C19orf81: variants seen among roughly 807,000 people sequenced by gnomAD.
C19orf81 encodes putative uncharacterized protein C19orf81.
In C19orf81, 19 loss-of-function variants were observed where a neutral mutation model predicts 22.1. The observed-to-expected ratio is 0.86, with a 90% CI of 0.60 to 1.26. C19orf81 has a LOEUF of 1.26. C19orf81 is among the 50% of genes most tolerant of loss of function. The probability of loss-of-function intolerance (pLI) is 0.00; values close to 1 mark genes in which losing one functional copy is unlikely to be tolerated. For synonymous variants in C19orf81, 108 were observed against 113.1 expected (o/e 0.95, Z 0.29); for missense variants, 287 against 280.7 (o/e 1.02, Z -0.16).
In C19orf81 at chr19:50,651,376, T is replaced by C. The variant is rs1341209890; in HGVS notation, c.67+1865T>C. On this transcript the variant is annotated intron_variant, in intron 1 of 4. Coordinates refer to ENST00000425202, the MANE Select transcript of C19orf81 (RefSeq NM_001195076.2). ...TACCTTCTTATTCTTTAGGTCTCAC[T>C]GTGGACACCTCCTCTAGAGAGCCTT... Among the ~76,000 whole-genome samples, 3 of 152,226 alleles carry C rather than the reference T, an allele frequency of 2.0e-5. No individual in the cohort carries two copies. The East Asian group carries it at 5.8e-4, about 29-fold the overall frequency.
intron 1 of C19orf81, among the ~76,000 whole-genome samples, chr19:50,654,497 C>T (rs1475417047): frequency 6.6e-6 from 1 of 151,554 alleles, no homozygotes; most frequent in East Asian, 1.9e-4. Context: ...TGGGGTTTCA[C>T]CATATTGGCC....
intron 3 of C19orf81, among the ~76,000 whole-genome samples, chr19:50,656,717 T>C (rs1285371830): frequency 1.3e-5 from 2 of 152,104 alleles, no homozygotes; most frequent in Non-Finnish European, 1.5e-5. Context: ...TTTGGGAGGC[T>C]GAGGTGGGTG....
intron 1 of C19orf81, among the ~76,000 whole-genome samples, chr19:50,654,640 TTCTG>T (rs1006444657): frequency 5.0e-4 from 74 of 146,746 alleles, no homozygotes; most frequent in African/African-American, 1.8e-3. Flanking sequence ...CCTTCTCTCT[TTCTG>T]TCTCTCTTTC....
At position 50,649,480 on chromosome 19, in the gene C19orf81, C is replaced by G. The variant is rs1197677962; in HGVS notation, c.36C>G (p.Ala12=). 2.0e-6 allele frequency: 3 copies of G among 1,536,278 alleles called. No individual in the cohort carries two copies. Among genetic ancestry groups the G allele is most frequent in the Non-Finnish European group, 2.6e-6 (3 of 1,146,886 alleles). Residue 12 remains alanine (A), a synonymous_variant, in exon 1 of 5, where the codon GCC becomes GCG. Transcript: ENST00000425202. Reference sequence around the variant, plus strand: ...AGGTGGAGCCCGTGTGCTTCCCTGCCATGGGCAGCCCCACCATGCACAGGA... The same window carrying G: ...AGGTGGAGCCCGTGTGCTTCCCTGCGATGGGCAGCCCCACCATGCACAGGA... The part of the protein sequence containing the change: ...QPEVEPVCFP[A]MGSPTMHRKA...
At chr19:50,652,650 G>A (rs780540017) in intron 1 of C19orf81, among the ~76,000 whole-genome samples, 2 of 152,180 alleles carry the variant, frequency 1.3e-5, no homozygotes, top group Non-Finnish European at 2.9e-5. Context: ...TAAGACACTA[G>A]CACGGTCTGA....
Position 50,649,502 on chromosome 19 carries a change from A to C in C19orf81, c.58A>C (p.Arg20=), listed in dbSNP as rs1172436495. 1 of 1,536,212 alleles carries C rather than the reference A, an allele frequency of 6.5e-7. No homozygotes were observed. The highest frequency in any genetic ancestry group is 1.2e-5 in the South Asian group (1 of 84,062). The change falls in exon 1 of 5, where the codon AGG becomes CGG. Residue 20 remains arginine, a synonymous_variant. Transcript: ENST00000425202. The part of the protein sequence containing the change: ...FPAMGSPTMH[R]KAGALLMDLE... ...TGCCATGGGCAGCCCCACCATGCAC[A>C]GGAAGGCAGGTACTGAGCTGTGTCT...
chr19:50,649,831 C>A, intron 1 of C19orf81: 1 of 504,280 alleles, frequency 2.0e-6, no homozygotes, highest in South Asian at 1.5e-5. Context: ...ACCCTGAGCT[C>A]AGCATCTTCC....
At chr19:50,655,727 C>T (rs1397845870) in intron 1 of C19orf81, among the ~76,000 whole-genome samples, 3 of 152,028 alleles carry the variant, frequency 2.0e-5, no homozygotes, top group East Asian at 1.9e-4. Flanking sequence ...AAGAAGTAAG[C>T]CTGGGGTGAC....
At chr19:50,654,080 C>G (rs975451432) in intron 1 of C19orf81, among the ~76,000 whole-genome samples, 1 of 151,962 alleles carries the variant, frequency 6.6e-6, no homozygotes, top group Non-Finnish European at 1.5e-5. Context: ...CACAGAGTGG[C>G]CTTGCTTGAT....
rs1984990722 is a variant in C19orf81 at position 50,656,216 on chromosome 19, C to G, written c.141-10C>G. 3 of 1,535,966 alleles carry G rather than the reference C, an allele frequency of 2.0e-6. No individual in the cohort carries two copies. The highest frequency in any genetic ancestry group is 2.6e-6 in the Non-Finnish European group (3 of 1,146,854). Reference sequence around the variant, plus strand: ...CCTCAGAGGTCCCTGCCTGTTCGCTCTCTCCCTAGAAAGCAGTACCTGCGG... The same window carrying G: ...CCTCAGAGGTCCCTGCCTGTTCGCTGTCTCCCTAGAAAGCAGTACCTGCGG... On this transcript the variant is annotated splice_polypyrimidine_tract_variant and intron_variant, in intron 2 of 4. Coordinates refer to ENST00000425202, the MANE Select transcript of C19orf81 (RefSeq NM_001195076.2).
In C19orf81 at chr19:50,659,209, C is replaced by T. The variant is rs1012574631; in HGVS notation, c.*67C>T. 22 of 1,240,504 alleles carry T rather than the reference C, an allele frequency of 1.8e-5. No individual in the cohort carries two copies. The East Asian group carries it at 6.7e-4, about 38-fold the overall frequency. 76.8% of individuals were successfully genotyped at this position (1,240,504 alleles called of 1,614,324 possible). A position where few individuals can be genotyped will look rare whatever the true frequency, so the allele number is the denominator to read the frequency against. ...GGCTGGGGCCACCCACCCGGAGCCC[C>T]GGAGGACAGGGGGCGTTGCCTTCCC... On this transcript the variant is annotated 3_prime_UTR_variant, in exon 5 of 5. Transcript: ENST00000425202.
intron 1 of C19orf81, among the ~76,000 whole-genome samples, chr19:50,650,636 A>G (rs938645773): frequency 2.0e-5 from 3 of 151,938 alleles, no homozygotes; most frequent in Admixed American, 2.0e-4. Context: ...GTGCCACTGC[A>G]CTCCAGCCTG....
At chr19:50,656,194 C>G in intron 2 of C19orf81, 32 bp from the exon 3 acceptor site, 1 of 1,536,140 alleles carries the variant, frequency 6.5e-7, no homozygotes, top group Middle Eastern at 1.7e-4. Flanking sequence ...ACCCTGACCT[C>G]AGAGGTCCCT....
At chr19:50,651,502 G>A (rs947010744) in intron 1 of C19orf81, among the ~76,000 whole-genome samples, 5 of 152,138 alleles carry the variant, frequency 3.3e-5, no homozygotes, top group Non-Finnish European at 5.9e-5. Flanking sequence ...TGAAAGGGCA[G>A]AGGTGTGTCT....
intron 3 of C19orf81, among the ~76,000 whole-genome samples, chr19:50,656,929 G>A (rs1985006049): frequency 6.7e-6 from 1 of 149,540 alleles, no homozygotes; most frequent in Non-Finnish European, 1.5e-5. Context: ...TCCAGCCTGG[G>A]TGACAAAGTG....
rs1985086855 is a variant in C19orf81, at chr19:50,659,208, C to T, written c.*66C>T. 5.6e-6 allele frequency: 7 copies of T among 1,244,658 alleles called. No homozygotes were observed. The highest frequency in any genetic ancestry group is 3.1e-4 in the Middle Eastern group (1 of 3,226). 77.1% of individuals were successfully genotyped at this position (1,244,658 alleles called of 1,614,324 possible). A position where few individuals can be genotyped will look rare whatever the true frequency, so the allele number is the denominator to read the frequency against. On this transcript the variant is annotated 3_prime_UTR_variant, in exon 5 of 5. Transcript: ENST00000425202. The stretch of plus-strand genomic sequence containing the variant: ...GGGCTGGGGCCACCCACCCGGAGCC[C>T]CGGAGGACAGGGGGCGTTGCCTTCC...
At chr19:50,655,748 A>C (rs894742509) in intron 1 of C19orf81, among the ~76,000 whole-genome samples, 8 of 152,068 alleles carry the variant, frequency 5.3e-5, no homozygotes, top group Non-Finnish European at 1.2e-4. Context: ...TAGAAGAGGA[A>C]GCAAAAAGGA....
intron 1 of C19orf81, among the ~76,000 whole-genome samples, chr19:50,652,471 T>C (rs1487693262): frequency 1.3e-5 from 2 of 152,132 alleles, no homozygotes; most frequent in Admixed American, 6.5e-5. Flanking sequence ...ATGGCATCAG[T>C]GGACCCTCAG....
In C19orf81 at chr19:50,659,264, T is replaced by C; in HGVS notation, c.*122T>C. 1.3e-6 allele frequency: 1 copy of C among 751,784 alleles called. No homozygotes were observed. Among genetic ancestry groups the C allele is most frequent in the Non-Finnish European group, 1.8e-6 (1 of 544,604 alleles). The allele number at this position is 751,784 out of a possible 1,614,324, so 46.6% of individuals were successfully genotyped here. A position where few individuals can be genotyped will look rare whatever the true frequency, so the allele number is the denominator to read the frequency against. The stretch of plus-strand genomic sequence containing the variant: ...AGGAGGCGGGGCCGGCTCGAGGGGG[T>C]GGATACTGTGAGTTTAATTATAAAG... On this transcript the variant is annotated 3_prime_UTR_variant, in exon 5 of 5. Coordinates refer to ENST00000425202, the MANE Select transcript of C19orf81 (RefSeq NM_001195076.2).
Sources: gnomAD v4.1 joint callset for allele counts (sites outside exome capture counted in the v4.1 genomes callset) on GRCh38, gnomAD v4.1.1 for gene constraint, MANE v1.5 for transcripts, NCBI Gene and HGNC (gene_info 2026-07-23, HGNC 2026-07-21) for gene names.